Variants in MBD5 observed in about 807,000 individuals in gnomAD.
MBD5 encodes the protein methyl-CpG binding domain protein 5.
Under a neutral mutation model 117.3 loss-of-function variants are expected in MBD5, and 13 were observed. That is an observed-to-expected ratio of 0.11 (90% CI 0.07 to 0.18). The LOEUF (loss-of-function observed/expected upper bound fraction) is 0.18. MBD5 is among the 10% of genes least tolerant of loss of function. The pLI, the probability that MBD5 is intolerant of heterozygous loss-of-function variation, is 1.00. For missense variants in MBD5, 1,879 were observed against 2,093.8 expected, an observed-to-expected ratio of 0.90 and a Z score of 2.00; for synonymous variants, 727 against 766.4, an observed-to-expected ratio of 0.95 and a Z score of 0.85.
intron 11 of MBD5, among the ~76,000 whole-genome samples, chr2:148,497,924 C>T (rs752140238): frequency 8.5e-5 from 13 of 152,098 alleles, no homozygotes; most frequent in South Asian, 2.1e-4. Flanking sequence ...CATTTTAGAT[C>T]CTTTCAGTGA....
At chr2:148,491,075 A>G (rs1453254954) in intron 11 of MBD5, among the ~76,000 whole-genome samples, 1 of 152,244 alleles carries the variant, frequency 6.6e-6, no homozygotes, top group Non-Finnish European at 1.5e-5. Context: ...GGAAGGGGGT[A>G]CAGTCTGGGT....
intron 3 of MBD5, among the ~76,000 whole-genome samples, chr2:148,284,727 CT>C (rs200202068): frequency 0.027 from 4,135 of 152,068 alleles, 98 homozygotes; most frequent in African/African-American, 0.056. Context: ...TTTTTTCTTT[CT>C]TTTTTGTTTT....
At chr2:148,158,667 A>G (rs1402001876) in intron 1 of MBD5, among the ~76,000 whole-genome samples, 1 of 152,240 alleles carries the variant, frequency 6.6e-6, no homozygotes, top group Non-Finnish European at 1.5e-5. Flanking sequence ...GTCTGACCAT[A>G]TACTAGATAT....
intron 1 of MBD5, among the ~76,000 whole-genome samples, chr2:148,142,203 A>G (rs1164579773): frequency 6.6e-6 from 1 of 152,178 alleles, no homozygotes; most frequent in Admixed American, 6.5e-5. Flanking sequence ...AATATGTTAA[A>G]TTTTCTCAGA....
At chr2:148,477,400 T>C (rs192541388) in intron 8 of MBD5, among the ~76,000 whole-genome samples, 77 of 152,226 alleles carry the variant, frequency 5.1e-4, no homozygotes, top group African/African-American at 1.7e-3. Flanking sequence ...TAGAACAAAG[T>C]AGCCTCTAGT....
At chr2:148,500,615 C>A (rs2105213989) in intron 11 of MBD5, among the ~76,000 whole-genome samples, 1 of 151,970 alleles carries the variant, frequency 6.6e-6, no homozygotes, top group Non-Finnish European at 1.5e-5. Flanking sequence ...AAATTAAGAC[C>A]AATGGGGTAA....
chr2:148,427,534 CA>C (rs1413930392), intron 4 of MBD5, among the ~76,000 whole-genome samples: 1 of 151,638 alleles, frequency 6.6e-6, no homozygotes, highest in African/African-American at 2.4e-5. Context: ...CAAACTATCA[CA>C]AGGACAAAAA....
intron 1 of MBD5, among the ~76,000 whole-genome samples, chr2:148,072,403 C>G (rs1342714425): frequency 6.6e-6 from 1 of 152,068 alleles, no homozygotes; most frequent in East Asian, 1.9e-4. Flanking sequence ...GGTAAGACTT[C>G]TATTATAGAA....
intron 1 of MBD5, chr2:148,055,581 T>G (rs114090102): frequency 0.023 from 3,538 of 152,364 alleles, 61 homozygotes; most frequent in Middle Eastern, 0.051. Context: ...TACATGCGCG[T>G]GCCACCACGC....
chr2:148,158,568 C>T (rs1381062639), intron 1 of MBD5, among the ~76,000 whole-genome samples: 1 of 152,100 alleles, frequency 6.6e-6, no homozygotes, highest in African/African-American at 2.4e-5. Flanking sequence ...TTATACTTGG[C>T]CGTTTATACT....
chr2:148,226,233 A>G (rs956193264), intron 2 of MBD5, among the ~76,000 whole-genome samples: 1 of 151,846 alleles, frequency 6.6e-6, no homozygotes, highest in Non-Finnish European at 1.5e-5. Flanking sequence ...ATTTAGCATT[A>G]GGTATATCTC....
At chr2:148,117,152 A>G (rs915689027) in intron 1 of MBD5, among the ~76,000 whole-genome samples, 1 of 152,162 alleles carries the variant, frequency 6.6e-6, no homozygotes, top group Non-Finnish European at 1.5e-5. Flanking sequence ...CATTTTTCTC[A>G]GTGTTTTTTT....
At chr2:148,050,936 T>C (rs1694682385) in intron 1 of MBD5, among the ~76,000 whole-genome samples, 1 of 152,182 alleles carries the variant, frequency 6.6e-6, no homozygotes. Flanking sequence ...AAAATCAGCT[T>C]GTCCCTTTCT....
At chr2:148,499,288 G>A (rs1681800660) in intron 11 of MBD5, among the ~76,000 whole-genome samples, 1 of 152,092 alleles carries the variant, frequency 6.6e-6, no homozygotes, top group Admixed American at 6.6e-5. Context: ...GGCCAACAGA[G>A]CAAGACCCTG....
chr2:148,328,385 A>G (rs1476106040), intron 3 of MBD5, among the ~76,000 whole-genome samples: 2 of 152,144 alleles, frequency 1.3e-5, no homozygotes, highest in South Asian at 2.1e-4. Context: ...GGAGCTTCCC[A>G]GCTGCTTTGT....
chr2:148,228,717 C>G (rs796918722), intron 2 of MBD5, among the ~76,000 whole-genome samples: 2 of 152,088 alleles, frequency 1.3e-5, no homozygotes, highest in African/African-American at 4.8e-5. Context: ...TGGTAGAATT[C>G]GGCTGTGAAT....
At chr2:148,393,380 G>A (rs1008000793) in intron 4 of MBD5, 1 of 152,132 alleles carries the variant, frequency 6.6e-6, no homozygotes, top group African/African-American at 2.4e-5. Context: ...ATTAAGGAAA[G>A]TAAACAGTAT....
chr2:148,188,094 G>A (rs1465595688), intron 2 of MBD5, among the ~76,000 whole-genome samples: 4 of 152,264 alleles, frequency 2.6e-5, no homozygotes, highest in South Asian at 4.1e-4. Flanking sequence ...GTGCCTACCC[G>A]ATGCTCAAAG....
At chr2:148,287,919 C>T (rs1157195223) in intron 3 of MBD5, among the ~76,000 whole-genome samples, 1 of 152,066 alleles carries the variant, frequency 6.6e-6, no homozygotes, top group Non-Finnish European at 1.5e-5. Context: ...AACACATGAA[C>T]TTTGGGGGAC....
Sources: gnomAD v4.1 joint callset for allele counts (sites outside exome capture counted in the v4.1 genomes callset) on GRCh38, gnomAD v4.1.1 for gene constraint, MANE v1.5 for transcripts, NCBI Gene and HGNC (gene_info 2026-07-23, HGNC 2026-07-21) for gene names.